Variants in GPHN observed in about 807,000 individuals in gnomAD.
GPHN encodes the protein gephyrin.
In GPHN, 17 loss-of-function variants were observed where a neutral mutation model predicts 95.5. The ratio of observed to expected loss-of-function variants is 0.18; its 90% CI spans 0.12 to 0.27. GPHN has a LOEUF of 0.27. Ranked by LOEUF, GPHN falls within the 10% of genes least tolerant of loss-of-function variation. The pLI, the probability that GPHN is intolerant of heterozygous loss-of-function variation, is 1.00. For missense variants in GPHN, 660 were observed against 978.1 expected, an observed-to-expected ratio of 0.67 and a Z score of 4.34; for synonymous variants, 320 against 322.5, an observed-to-expected ratio of 0.99 and a Z score of 0.08.
chr14:67,699,966 C>T, the GPHN span, among the ~76,000 whole-genome samples: 1 of 151,638 alleles, frequency 6.6e-6, no homozygotes, highest in African/African-American at 2.4e-5. Flanking sequence ...ATGGTGAAAC[C>T]CCGTCTCTAC....
intron 12 of GPHN, among the ~76,000 whole-genome samples, chr14:67,089,866 A>G (rs999144830): frequency 7.9e-5 from 12 of 152,184 alleles, no homozygotes; most frequent in African/African-American, 2.9e-4. Context: ...ATTCCAATCT[A>G]AGAACCCCAA....
At chr14:67,614,399 A>G in the GPHN span, among the ~76,000 whole-genome samples, 1 of 152,222 alleles carries the variant, frequency 6.6e-6, no homozygotes, top group Non-Finnish European at 1.5e-5. Flanking sequence ...ATGGTATGCT[A>G]GAGCCTGCTC....
intron 1 of GPHN, among the ~76,000 whole-genome samples, chr14:66,585,316 T>C (rs1183193147): frequency 6.6e-6 from 1 of 152,176 alleles, no homozygotes; most frequent in East Asian, 1.9e-4. Context: ...TCTATCAATT[T>C]TGTTGATCTT....
chr14:67,438,109 C>T, the GPHN span, among the ~76,000 whole-genome samples: 1 of 152,162 alleles, frequency 6.6e-6, no homozygotes, highest in South Asian at 2.1e-4. Context: ...ATCATCTCCC[C>T]AAGGTCCTTC....
At chr14:67,309,996 T>TC in the GPHN span, among the ~76,000 whole-genome samples, 1 of 152,046 alleles carries the variant, frequency 6.6e-6, no homozygotes, top group Non-Finnish European at 1.5e-5. Flanking sequence ...CTCAAGGTTT[T>TC]TTTTTTTTGG....
intron 22 of GPHN, among the ~76,000 whole-genome samples, chr14:67,180,393 C>T (rs923690315): frequency 2.0e-5 from 3 of 152,236 alleles, no homozygotes; most frequent in South Asian, 4.2e-4. Flanking sequence ...TTGTGAGAAT[C>T]AAATAAGGTG....
chr14:67,450,635 A>ATT, the GPHN span, among the ~76,000 whole-genome samples: 3 of 152,192 alleles, frequency 2.0e-5, no homozygotes, highest in African/African-American at 7.2e-5. Flanking sequence ...GAGAGAGTTG[A>ATT]TTTAGGACAT....
At chr14:67,571,610 T>C in the GPHN span, 8 of 740,824 alleles carry the variant, frequency 1.1e-5, no homozygotes, top group Non-Finnish European at 1.8e-5. Flanking sequence ...AGGAGGGACC[T>C]TACACTGGAC....
intron 1 of GPHN, among the ~76,000 whole-genome samples, chr14:66,642,220 G>A (rs1013847375): frequency 1.3e-5 from 2 of 152,142 alleles, no homozygotes; most frequent in African/African-American, 2.4e-5. Flanking sequence ...ATAGTAAAAT[G>A]ATCCTGGGTT....
At chr14:67,497,055 G>C in the GPHN span, among the ~76,000 whole-genome samples, 2 of 151,938 alleles carry the variant, frequency 1.3e-5, no homozygotes, top group East Asian at 1.9e-4. Flanking sequence ...GCCTCCCAAA[G>C]TGCTGGGATT....
At chr14:67,451,920 T>C in the GPHN span, among the ~76,000 whole-genome samples, 2 of 152,232 alleles carry the variant, frequency 1.3e-5, no homozygotes, top group Non-Finnish European at 2.9e-5. Context: ...GTAGCTCCCA[T>C]AATTCCCGTG....
intron 11 of GPHN, among the ~76,000 whole-genome samples, chr14:67,070,819 A>G (rs1419055640): frequency 6.6e-6 from 1 of 150,616 alleles, no homozygotes; most frequent in Admixed American, 6.6e-5. Context: ...GTACTTATTA[A>G]GCCTTCTTGT....
intron 18 of GPHN, among the ~76,000 whole-genome samples, chr14:67,154,552 C>G (rs534199181): frequency 4.6e-5 from 7 of 151,918 alleles, no homozygotes; most frequent in Non-Finnish European, 8.8e-5. Flanking sequence ...GTTTGGTGCA[C>G]TAACAAATGA....
At chr14:66,632,511 T>G (rs945060191) in intron 1 of GPHN, among the ~76,000 whole-genome samples, 12 of 140,978 alleles carry the variant, frequency 8.5e-5, no homozygotes, top group South Asian at 2.2e-4. Flanking sequence ...TTTTTTTTTT[T>G]GGGATGGAGT....
intron 1 of GPHN, among the ~76,000 whole-genome samples, chr14:66,566,107 C>T (rs1358365064): frequency 6.6e-6 from 1 of 151,746 alleles, no homozygotes; most frequent in Non-Finnish European, 1.5e-5. Flanking sequence ...CTCATCATTT[C>T]ATGTCATTTT....
chr14:67,301,788 A>G, the GPHN span, among the ~76,000 whole-genome samples: 1 of 152,178 alleles, frequency 6.6e-6, no homozygotes, highest in African/African-American at 2.4e-5. Context: ...TAAGCATTTT[A>G]GACTTTCATA....
intron 2 of GPHN, among the ~76,000 whole-genome samples, chr14:66,695,078 G>A (rs2068027242): frequency 6.6e-6 from 1 of 152,090 alleles, no homozygotes; most frequent in Non-Finnish European, 1.5e-5. Flanking sequence ...AGAATGGCTT[G>A]AACCCAGGAG....
chr14:67,044,561 CA>C (rs2074893705), intron 10 of GPHN, among the ~76,000 whole-genome samples: 1 of 152,082 alleles, frequency 6.6e-6, no homozygotes, highest in Admixed American at 6.6e-5. Flanking sequence ...CTGAATCTCT[CA>C]AGGTATAGCA....
chr14:66,777,117 G>T (rs900839463), intron 3 of GPHN, among the ~76,000 whole-genome samples: 1 of 150,088 alleles, frequency 6.7e-6, no homozygotes, highest in African/African-American at 2.4e-5. Flanking sequence ...TCAAATAGAC[G>T]CAATAAAAAA....
Sources: allele counts gnomAD v4.1 joint callset (sites outside exome capture counted in the v4.1 genomes callset), GRCh38; gene constraint gnomAD v4.1.1; transcripts MANE v1.5; gene names NCBI Gene and HGNC (gene_info 2026-07-23, HGNC 2026-07-21).